Variants in TAOK3 observed in about 807,000 individuals in gnomAD.
TAOK3 encodes the protein TAO kinase 3, also known as serine/threonine-protein kinase TAO3.
A neutral mutation model predicts 120.4 loss-of-function variants in TAOK3; 40 were observed. The observed-to-expected ratio is 0.33, with a 90% confidence interval of 0.26 to 0.43. The LOEUF is 0.43. TAOK3 is among the 20% of genes least tolerant of loss of function. The pLI, the probability that TAOK3 is intolerant of heterozygous loss-of-function variation, is 1.00. For missense variants in TAOK3, 821 were observed against 1,112.1 expected (o/e 0.74, Z 3.72); for synonymous variants, 355 against 387.5 (o/e 0.92, Z 0.99).
chr12:118,331,071 C>A (rs934941582), intron 1 of TAOK3, among the ~76,000 whole-genome samples: 1 of 152,144 alleles, frequency 6.6e-6, no homozygotes, highest in Non-Finnish European at 1.5e-5. Flanking sequence ...AATTCTAGAA[C>A]AACATATACT....
intron 1 of TAOK3, among the ~76,000 whole-genome samples, chr12:118,363,747 TGTGTGTGTGA>T (rs958021187): frequency 1.3e-5 from 2 of 151,098 alleles, no homozygotes; most frequent in African/African-American, 2.5e-5. Flanking sequence ...TGTGTGTGTG[TGTGTGTGTGA>T]GAGAGAGAGA....
chr12:118,210,888 G>A (rs1046455643), intron 11 of TAOK3, among the ~76,000 whole-genome samples: 1 of 151,934 alleles, frequency 6.6e-6, no homozygotes, highest in African/African-American at 2.4e-5. Context: ...ATAGGTGCCT[G>A]CCACCATGCC....
At chr12:118,351,864 CTTTTTTTTTT>C (rs34956112) in intron 1 of TAOK3, among the ~76,000 whole-genome samples, 5 of 71,900 alleles carry the variant, frequency 7.0e-5, no homozygotes, top group Admixed American at 1.9e-4. Flanking sequence ...ATCTATAGTT[CTTTTTTTTTT>C]TTTTTTTTTT....
chr12:118,158,391 A>G (rs939422730), intron 19 of TAOK3, among the ~76,000 whole-genome samples: 1 of 152,156 alleles, frequency 6.6e-6, no homozygotes, highest in Non-Finnish European at 1.5e-5. Context: ...GCAGGTTTCC[A>G]TTATCTGTAC....
intron 1 of TAOK3, among the ~76,000 whole-genome samples, chr12:118,303,603 AAG>A: frequency 6.6e-6 from 1 of 152,256 alleles, no homozygotes; most frequent in Non-Finnish European, 1.5e-5. Context: ...AACTTTCTTG[AAG>A]GGGAGCACTG....
chr12:118,310,641 T>C (rs1344707776), intron 1 of TAOK3, among the ~76,000 whole-genome samples: 10 of 152,214 alleles, frequency 6.6e-5, no homozygotes, highest in Admixed American at 6.5e-4. Context: ...TTCTATTATC[T>C]GCCCATTTAA....
chr12:118,347,526 G>A (rs2044919199), intron 1 of TAOK3, among the ~76,000 whole-genome samples: 1 of 152,178 alleles, frequency 6.6e-6, no homozygotes. Context: ...TCATTTCCAA[G>A]TCCAACAGGA....
chr12:118,227,726 T>A (rs1049527967), intron 9 of TAOK3, among the ~76,000 whole-genome samples: 2 of 152,200 alleles, frequency 1.3e-5, no homozygotes, highest in Admixed American at 1.3e-4. Context: ...GGAGGGATCA[T>A]CTGCATCCCA....
chr12:118,289,433 G>A (rs2042391734), intron 1 of TAOK3, among the ~76,000 whole-genome samples: 1 of 149,834 alleles, frequency 6.7e-6, no homozygotes, highest in Non-Finnish European at 1.5e-5. Context: ...ATTATTCTTT[G>A]AAATAGAGGG....
At chr12:118,266,026 C>CA (rs1566035845) in intron 2 of TAOK3, among the ~76,000 whole-genome samples, 2 of 151,536 alleles carry the variant, frequency 1.3e-5, no homozygotes, top group East Asian at 3.9e-4. Flanking sequence ...CTATAAACTA[C>CA]CAACAAAAAA....
At position 118,161,685 on chromosome 12, in the gene TAOK3, G is replaced by A; in HGVS notation, c.2139+103C>T. The A allele has an allele frequency of 7.0e-7, 1 of 1,424,570 alleles. No individual in the cohort carries two copies. The highest frequency in any genetic ancestry group is 9.7e-7 in the Non-Finnish European group (1 of 1,030,766). 88.2% of individuals were successfully genotyped at this position (1,424,570 alleles called of 1,614,324 possible). ...GAGATTCTGATACAATAGGTGTGGG[G>A]TGCAGAAATTTGTGATTCTGAAAAG... On this transcript the variant is annotated intron_variant, in intron 18 of 20. Coordinates refer to ENST00000392533, the MANE Select transcript of TAOK3 (RefSeq NM_016281.4). The surrounding 1 kb of genome is among the most constrained non-coding windows in gnomAD (Gnocchi z 4.5).
At chr12:118,253,859 G>A (rs151081911) in intron 3 of TAOK3, among the ~76,000 whole-genome samples, 1 of 152,074 alleles carries the variant, frequency 6.6e-6, no homozygotes, top group Non-Finnish European at 1.5e-5. Flanking sequence ...GACCAGCCTG[G>A]CCAACATGGT....
Position 118,178,465 on chromosome 12 carries a change from CT to C in TAOK3, c.1567-1137del, listed in dbSNP as rs113949153. 5.3e-3 allele frequency among the ~76,000 whole-genome samples: 794 copies of C among 149,750 alleles called. 9 individuals are homozygous for C. The highest frequency in any genetic ancestry group is 0.019 in the African/African-American group (765 of 40,938). Reference sequence around the variant, plus strand: ...TGGAACGCTAACGGCATTTTGTTTTCTTTTTTTTTTCTGAGACAGTCTCCCT... The same window carrying C: ...TGGAACGCTAACGGCATTTTGTTTTCTTTTTTTTTCTGAGACAGTCTCCCT... On this transcript the variant is annotated intron_variant, in intron 15 of 20. Coordinates refer to ENST00000392533, the MANE Select transcript of TAOK3 (RefSeq NM_016281.4).
At chr12:118,209,183 T>C (rs537758532) in intron 11 of TAOK3, among the ~76,000 whole-genome samples, 2 of 152,294 alleles carry the variant, frequency 1.3e-5, no homozygotes, top group South Asian at 2.1e-4. Flanking sequence ...TGAGGTAGCT[T>C]TGCATGTAGT....
At position 118,201,351 on chromosome 12, in the gene TAOK3, A is replaced by AT. The variant is rs1346340006; in HGVS notation, c.931dup (p.Ile311AsnfsTer13). On this transcript the variant is annotated frameshift_variant, in exon 12 of 21. Transcript: ENST00000392533. LOFTEE classifies it high-confidence loss of function. ...TCCATTCCGTGTCTCTTGGAAAAGT[A>AT]TTTTTTTCATTTTTCGGTACTGTAG... is the stretch of plus-strand genomic sequence containing the variant. 4 of 1,613,822 alleles carry AT rather than the reference A, an allele frequency of 2.5e-6. No individual in the cohort carries two copies. The highest frequency in any genetic ancestry group is 3.4e-6 in the Non-Finnish European group (4 of 1,179,908).
intron 19 of TAOK3, among the ~76,000 whole-genome samples, chr12:118,156,830 TG>T (rs1408182541): frequency 2.0e-5 from 3 of 152,044 alleles, no homozygotes; most frequent in Non-Finnish European, 4.4e-5. Flanking sequence ...TGCTGCCTCC[TG>T]GGTCCAAGCG....
At chr12:118,187,195 C>G (rs1308554111) in intron 14 of TAOK3, among the ~76,000 whole-genome samples, 1 of 152,058 alleles carries the variant, frequency 6.6e-6, no homozygotes, top group Non-Finnish European at 1.5e-5. Flanking sequence ...AGCGCCTCTA[C>G]TAGAAGATGT....
At chr12:118,285,773 C>T (rs774736337) in intron 1 of TAOK3, among the ~76,000 whole-genome samples, 8 of 152,170 alleles carry the variant, frequency 5.3e-5, no homozygotes, top group Non-Finnish European at 1.0e-4. Context: ...ACCCATGACA[C>T]GGCCTCAGGA....
rs143254659 is a variant in TAOK3, at chr12:118,372,861, A to AC, written c.-408dup. 7,451 of 151,650 alleles carry AC rather than the reference A, an allele frequency of 0.049. 393 individuals carry two copies. Among genetic ancestry groups the AC allele is most frequent in the East Asian group, 0.25 (1,272 of 5,100 alleles). The allele number at this position is 151,650 out of a possible 1,614,324, so 9.4% of individuals were successfully genotyped here. A position where few individuals can be genotyped will look rare whatever the true frequency, so the allele number is the denominator to read the frequency against. On this transcript the variant is annotated 5_prime_UTR_variant, in exon 1 of 21. Coordinates refer to ENST00000392533, the MANE Select transcript of TAOK3 (RefSeq NM_016281.4). The surrounding 1 kb of genome is among the most constrained non-coding windows in gnomAD (Gnocchi z 4.6). The stretch of plus-strand genomic sequence containing the variant: ...GACCCCGCCGCCCGGCGCCACAAGG[A>AC]CCCTCCCGCGGCCGCCGCCGCTGCT...
Sources: allele counts gnomAD v4.1 joint callset (sites outside exome capture counted in the v4.1 genomes callset), GRCh38; gene constraint gnomAD v4.1.1; non-coding constraint Gnocchi (gnomAD v3.1); transcripts MANE v1.5; gene names NCBI Gene and HGNC (gene_info 2026-07-23, HGNC 2026-07-21).